The following HDAC3 variants were observed in gnomAD, a reference collection of about 807,000 sequenced individuals.
The protein encoded by HDAC3 is histone deacetylase 3, also known as SMAP45.
HDAC3 carries 21 observed loss-of-function variants against 62.3 expected under a neutral mutation model. That is an observed-to-expected ratio of 0.34 (90% CI 0.24 to 0.49). The LOEUF is 0.49. HDAC3 is among the 20% of genes least tolerant of loss of function. The pLI, the probability that HDAC3 is intolerant of heterozygous loss-of-function variation, is 0.99. For synonymous variants in HDAC3, 198 were observed against 206.5 expected, an observed-to-expected ratio of 0.96 and a Z score of 0.35; for missense variants, 270 against 556.9, an observed-to-expected ratio of 0.48 and a Z score of 5.19.
intron 14 of HDAC3, among the ~76,000 whole-genome samples, chr5:141,621,988 A>C (rs1336512072): frequency 6.6e-6 from 1 of 152,214 alleles, no homozygotes; most frequent in Non-Finnish European, 1.5e-5. Flanking sequence ...GGCCATTCCA[A>C]GCTGCAAGAA....
intron 14 of HDAC3, 49 bp from the exon 15 acceptor site, chr5:141,621,586 T>C (rs758067999): frequency 2.0e-5 from 30 of 1,505,464 alleles, no homozygotes; most frequent in Non-Finnish European, 2.6e-5. Flanking sequence ...AGTTCTAATC[T>C]TCTCCCAGCA....
Position 141,621,434 on chromosome 5 carries a change from G to A in HDAC3, c.*34C>T. 6.2e-7 allele frequency: 1 copy of A among 1,600,960 alleles called. No homozygotes were observed. The highest frequency in any genetic ancestry group is 2.2e-5 in the East Asian group (1 of 44,782). The stretch of plus-strand genomic sequence containing the variant: ...CTCCAGCCCAACCAAGAGGTGAAAA[G>A]AAATTCCTTGGGACACAGCATCCCA... On this transcript the variant is annotated 3_prime_UTR_variant, in exon 15 of 15. Transcript: ENST00000305264.
intron 14 of HDAC3, among the ~76,000 whole-genome samples, chr5:141,622,853 C>G (rs558986542): frequency 6.6e-6 from 1 of 152,020 alleles, no homozygotes; most frequent in South Asian, 2.1e-4. Context: ...GTGGCTCACA[C>G]CTGTAGCCTG....
At chr5:141,633,730 G>A (rs2099905558) in intron 3 of HDAC3, among the ~76,000 whole-genome samples, 1 of 150,978 alleles carries the variant, frequency 6.6e-6, no homozygotes, top group Non-Finnish European at 1.5e-5. Flanking sequence ...GGAGTCTGAG[G>A]CATGAGAATC....
At chr5:141,636,065 C>CCA (rs1401717698) in intron 2 of HDAC3, 1 of 164,204 alleles carries the variant, frequency 6.1e-6, no homozygotes, top group Non-Finnish European at 1.3e-5. Flanking sequence ...CGCCTCTGTT[C>CCA]CACACGCACA....
intron 2 of HDAC3, chr5:141,636,320 T>A (rs1277296849): frequency 1.4e-5 from 8 of 581,582 alleles, no homozygotes; most frequent in Non-Finnish European, 1.2e-5. Context: ...CAAGGGCTAG[T>A]GTGCCTACAG....
At position 141,629,485 on chromosome 5, in the gene HDAC3, G is replaced by A. The variant is rs2099904899; in HGVS notation, c.477-179C>T. The A allele has an allele frequency of 1.1e-6, 1 of 937,588 alleles. No individual in the cohort carries two copies. The highest frequency in any genetic ancestry group is 1.6e-6 in the Non-Finnish European group (1 of 616,568). 58.1% of individuals were successfully genotyped at this position (937,588 alleles called of 1,614,324 possible). A position where few individuals can be genotyped will look rare whatever the true frequency, so the allele number is the denominator to read the frequency against. ...GCCTAGAGGCTAGAGGCAGGGACAG[G>A]AGAGGGATATGCAGAGAAGGCTGAA... is the stretch of plus-strand genomic sequence containing the variant. On this transcript the variant is annotated intron_variant, in intron 6 of 14. Coordinates refer to ENST00000305264, the MANE Select transcript of HDAC3 (RefSeq NM_003883.4). The surrounding 1 kb of genome is among the most constrained non-coding windows in gnomAD (Gnocchi z 5.3).
Position 141,628,710 on chromosome 5 carries a change from G to T in HDAC3, c.611-71C>A. The T allele has an allele frequency of 1.8e-6, 2 of 1,112,830 alleles. No homozygotes were observed. The highest frequency in any genetic ancestry group is 1.4e-6 in the Non-Finnish European group (1 of 734,714). The allele number at this position is 1,112,830 out of a possible 1,614,324, so 68.9% of individuals were successfully genotyped here. A position where few individuals can be genotyped will look rare whatever the true frequency, so the allele number is the denominator to read the frequency against. On this transcript the variant is annotated intron_variant, in intron 7 of 14. Coordinates refer to ENST00000305264, the MANE Select transcript of HDAC3 (RefSeq NM_003883.4). The surrounding 1 kb of genome is among the most constrained non-coding windows in gnomAD (Gnocchi z 4.7). ...AACCCAGCTGTTTCAGCCCCAATCT[G>T]CACTCTGGGAGCCTCTCATTCCATC... is the stretch of plus-strand genomic sequence containing the variant.
In HDAC3 at chr5:141,628,285, A is replaced by G. The variant is rs1418231459; in HGVS notation, c.692-98T>C. On this transcript the variant is annotated intron_variant, in intron 8 of 14. Transcript: ENST00000305264. The surrounding 1 kb of genome is among the most constrained non-coding windows in gnomAD (Gnocchi z 4.7). ...GGTTGAGCGAGCATGTAGCCCAGGA[A>G]AGGGGCCACCCAAAAGAATCAAATC... 9.9e-6 allele frequency: 10 copies of G among 1,009,518 alleles called. No homozygotes were observed. The highest frequency in any genetic ancestry group is 1.5e-5 in the Non-Finnish European group (10 of 648,746). 62.5% of individuals were successfully genotyped at this position (1,009,518 alleles called of 1,614,324 possible). A position where few individuals can be genotyped will look rare whatever the true frequency, so the allele number is the denominator to read the frequency against.
intron 14 of HDAC3, among the ~76,000 whole-genome samples, chr5:141,624,548 C>T (rs1394688440): frequency 7.1e-6 from 1 of 141,324 alleles, no homozygotes; most frequent in African/African-American, 2.7e-5. Context: ...CAGAATGAGA[C>T]CCTGTCTCAA....
Position 141,625,788 on chromosome 5 carries a change from T to G in HDAC3, c.980-24A>C, listed in dbSNP as rs1457566687. 1 of 1,602,024 alleles carries G rather than the reference T, an allele frequency of 6.2e-7. No individual in the cohort carries two copies. Among genetic ancestry groups the G allele is most frequent in the Admixed American group, 1.7e-5 (1 of 60,000 alleles). ...TTCTTGGGGAGGAGAGGAGAAAGTATGGCTCAGACTGAGAAAGGCAGCTAA... is the reference window on the plus strand; with the variant it reads ...TTCTTGGGGAGGAGAGGAGAAAGTAGGGCTCAGACTGAGAAAGGCAGCTAA... On this transcript the variant is annotated intron_variant, in intron 12 of 14. Transcript: ENST00000305264. The surrounding 1 kb of genome is among the most constrained non-coding windows in gnomAD (Gnocchi z 4.0).
rs554607351 is a variant in HDAC3, at chr5:141,632,395, T to A, written c.282-2270A>T. The stretch of plus-strand genomic sequence containing the variant: ...TTTGGCTACTTATGTTAGAATACTT[T>A]GAAACCAATCAGAAATTCATTAAAC... On this transcript the variant is annotated intron_variant, in intron 3 of 14. Coordinates refer to ENST00000305264, the MANE Select transcript of HDAC3 (RefSeq NM_003883.4). 4.6e-5 allele frequency among the ~76,000 whole-genome samples: 7 copies of A among 152,320 alleles called. No individual in the cohort carries two copies. In the South Asian group the frequency reaches 1.4e-3, roughly 32 times the overall value.
chr5:141,628,477 G>T lies in HDAC3; in HGVS notation c.691+82C>A. ...ATCCTTAAGGACAACTGGCCCAACA[G>T]CAGACAATACCAGGCAGAAGAGGTT... is the stretch of plus-strand genomic sequence containing the variant. On this transcript the variant is annotated intron_variant, in intron 8 of 14. Coordinates refer to ENST00000305264, the MANE Select transcript of HDAC3 (RefSeq NM_003883.4). The surrounding 1 kb of genome is among the most constrained non-coding windows in gnomAD (Gnocchi z 4.7). 8.6e-7 allele frequency: 1 copy of T among 1,156,300 alleles called. No individual in the cohort carries two copies. Among genetic ancestry groups the T allele is most frequent in the Non-Finnish European group, 1.3e-6 (1 of 768,664 alleles). 71.6% of individuals were successfully genotyped at this position (1,156,300 alleles called of 1,614,324 possible).
chr5:141,625,966 G>C lies in HDAC3; in HGVS notation c.979+47C>G. On this transcript the variant is annotated intron_variant, in intron 12 of 14. Transcript: ENST00000305264. The surrounding 1 kb of genome is among the most constrained non-coding windows in gnomAD (Gnocchi z 4.0). The stretch of plus-strand genomic sequence containing the variant: ...TCAAACCAGGTCATTCTGGAATCTG[G>C]TGAGAATGGCCTTCCTGTTATGGGG... 2 of 1,530,448 alleles carry C rather than the reference G, an allele frequency of 1.3e-6. No individual in the cohort carries two copies. Among genetic ancestry groups the C allele is most frequent in the Middle Eastern group, 3.4e-4 (2 of 5,926 alleles). 94.8% of individuals were successfully genotyped at this position (1,530,448 alleles called of 1,614,324 possible). A position where few individuals can be genotyped will look rare whatever the true frequency, so the allele number is the denominator to read the frequency against.
At position 141,630,000 on chromosome 5, in the gene HDAC3, A is replaced by G; in HGVS notation, c.363+44T>C. The G allele has an allele frequency of 8.1e-6, 13 of 1,611,630 alleles. No individual in the cohort carries two copies. The highest frequency in any genetic ancestry group is 1.1e-5 in the Non-Finnish European group (13 of 1,177,672). On this transcript the variant is annotated intron_variant, in intron 4 of 14. Transcript: ENST00000305264. This position sits in a 1 kb window ranked among gnomAD's most constrained non-coding sequence, Gnocchi z 5.3. ...AGGATCAGGGTTAAATCCCGAGTCC[A>G]GGGATCCAGAGGAAAGGAAGAACAG...
intron 3 of HDAC3, among the ~76,000 whole-genome samples, chr5:141,630,411 T>A: frequency 6.6e-6 from 1 of 152,216 alleles, no homozygotes; most frequent in Non-Finnish European, 1.5e-5. Context: ...TCAAGTACAA[T>A]GTAAAAAGGA....
At chr5:141,636,305 T>C in intron 2 of HDAC3, 1 of 563,824 alleles carries the variant, frequency 1.8e-6, no homozygotes, top group Non-Finnish European at 3.2e-6. Flanking sequence ...ACGCTAACCC[T>C]AGGCCAAGGG....
chr5:141,635,521 A>G (rs1288041035), intron 2 of HDAC3, among the ~76,000 whole-genome samples: 1 of 152,246 alleles, frequency 6.6e-6, no homozygotes, highest in Admixed American at 6.5e-5. Flanking sequence ...TTCTATGACC[A>G]GTCCATTTGT....
Position 141,636,804 on chromosome 5 carries a change from G to T in HDAC3, c.-14C>A. Reference sequence around the variant, plus strand: ...GGTCTTGGCCATGGTGCCGGCGGGAGCAGGCCCCGCACCTCCGCCGCCCGC... The same window carrying T: ...GGTCTTGGCCATGGTGCCGGCGGGATCAGGCCCCGCACCTCCGCCGCCCGC... On this transcript the variant is annotated 5_prime_UTR_variant, in exon 1 of 15. Transcript: ENST00000305264. The T allele has an allele frequency of 1.9e-6, 3 of 1,587,552 alleles. No individual in the cohort carries two copies. Among genetic ancestry groups the T allele is most frequent in the Non-Finnish European group, 2.6e-6 (3 of 1,166,610 alleles).
Sources: gnomAD v4.1 joint callset for allele counts (sites outside exome capture counted in the v4.1 genomes callset) on GRCh38, gnomAD v4.1.1 for gene constraint, Gnocchi (gnomAD v3.1) non-coding constraint, MANE v1.5 for transcripts, NCBI Gene and HGNC (gene_info 2026-07-23, HGNC 2026-07-21) for gene names.